NFIC: variants seen among roughly 807,000 people sequenced by gnomAD.
NFIC encodes nuclear factor 1 C-type.
In NFIC, 12 loss-of-function variants were observed where a neutral mutation model predicts 54.4. That is an observed-to-expected ratio of 0.22 (90% CI 0.14 to 0.36). NFIC has a LOEUF of 0.36. NFIC is among the 10% of genes least tolerant of loss of function. The pLI is 1.00. For synonymous variants in NFIC, 322 were observed against 319.2 expected, an observed-to-expected ratio of 1.01 and a Z score of -0.09; for missense variants, 575 against 718.2, an observed-to-expected ratio of 0.80 and a Z score of 2.28.
intron 6 of NFIC, among the ~76,000 whole-genome samples, chr19:3,442,254 G>C (rs981879657): frequency 3.9e-5 from 6 of 152,184 alleles, no homozygotes; most frequent in Non-Finnish European, 8.8e-5. Context: ...ACTGTGCTTT[G>C]TTTTTGCTGC....
chr19:3,408,642 G>A (rs887585240), intron 2 of NFIC, among the ~76,000 whole-genome samples: 4 of 151,934 alleles, frequency 2.6e-5, no homozygotes, highest in African/African-American at 7.3e-5. Flanking sequence ...TTATTTTTGA[G>A]ACGGAGTCTC....
rs1187124698 is a variant in NFIC, at chr19:3,463,156, G to T, written c.*387G>T. On this transcript the variant is annotated 3_prime_UTR_variant, in exon 11 of 11. Coordinates refer to ENST00000443272, the MANE Select transcript of NFIC (RefSeq NM_001245002.2). ...CTGCTGCTCGGGAAGGACAGACGCC[G>T]GCCGCCCGCCCGCGCCCCGGAGGCC... 3 of 1,089,002 alleles carry T rather than the reference G, an allele frequency of 2.8e-6. No homozygotes were observed. The highest frequency in any genetic ancestry group is 1.7e-5 in the African/African-American group (1 of 59,512). 67.5% of individuals were successfully genotyped at this position (1,089,002 alleles called of 1,614,324 possible).
chr19:3,427,187 A>G (rs2082040809), intron 3 of NFIC, among the ~76,000 whole-genome samples: 1 of 151,564 alleles, frequency 6.6e-6, no homozygotes, highest in Non-Finnish European at 1.5e-5. Context: ...CGGCCTCCCA[A>G]AGTGCTGGGA....
Position 3,461,751 on chromosome 19 carries a change from T to C in NFIC, c.1510-1001T>C, listed in dbSNP as rs140725469. Among the ~76,000 whole-genome samples the C allele has an allele frequency of 2.1e-5, 3 of 143,276 alleles. No homozygotes were observed. In the East Asian group the frequency reaches 6.4e-4, roughly 30 times the overall value. The allele number at this position is 143,276 out of a possible 152,430, so 94.0% of individuals were successfully genotyped here. On this transcript the variant is annotated intron_variant, in intron 10 of 10. Transcript: ENST00000443272. ...AATAAATAATAAATAGAGAAGAAAATAATTTTTAAAATATAAAATAAAGGC... is the reference window on the plus strand; with the variant it reads ...AATAAATAATAAATAGAGAAGAAAACAATTTTTAAAATATAAAATAAAGGC...
In NFIC at chr19:3,453,007, G is replaced by A. The variant is rs374013653; in HGVS notation, c.1269+341G>A. On this transcript the variant is annotated intron_variant, in intron 8 of 10. Transcript: ENST00000443272. This position sits in a 1 kb window ranked among gnomAD's most constrained non-coding sequence, Gnocchi z 6.7. The stretch of plus-strand genomic sequence containing the variant: ...TCCCAGCGCTTTCGGAGGCCAAGGC[G>A]GGAGGATTGCATAAGCCCAGAGTTC... 1.3e-5 allele frequency among the ~76,000 whole-genome samples: 2 copies of A among 152,218 alleles called. No individual in the cohort carries two copies. Among genetic ancestry groups the A allele is most frequent in the Admixed American group, 6.5e-5 (1 of 15,286 alleles).
chr19:3,412,808 T>TC (rs1263886729), intron 2 of NFIC, among the ~76,000 whole-genome samples: 1 of 152,136 alleles, frequency 6.6e-6, no homozygotes, highest in Admixed American at 6.5e-5. Context: ...ACACCCTGAC[T>TC]CCCACCTCAG....
At chr19:3,433,247 G>C (rs907387983) in intron 3 of NFIC, among the ~76,000 whole-genome samples, 32 of 152,256 alleles carry the variant, frequency 2.1e-4, no homozygotes, top group African/African-American at 7.2e-4. Flanking sequence ...TTACAGGCAT[G>C]AGCCACTGCG....
In NFIC at chr19:3,384,972, C is replaced by T. The variant is rs146222673; in HGVS notation, c.562+2729C>T. Among the ~76,000 whole-genome samples the T allele has an allele frequency of 3.9e-3, 593 of 151,282 alleles. 4 individuals are homozygous for T. The highest frequency in any genetic ancestry group is 0.014 in the African/African-American group (566 of 41,174). Reference sequence around the variant, plus strand: ...GTGCTGAGCTGATACAATTTTGAAGCGAGCTTTTCTGCTGCAGTCAGCACA... The same window carrying T: ...GTGCTGAGCTGATACAATTTTGAAGTGAGCTTTTCTGCTGCAGTCAGCACA... On this transcript the variant is annotated intron_variant, in intron 2 of 10. Coordinates refer to ENST00000443272, the MANE Select transcript of NFIC (RefSeq NM_001245002.2).
rs2082746779 is a variant in NFIC, at chr19:3,468,533, G to T, written c.*5764G>T. The T allele has an allele frequency of 6.6e-6, 1 of 152,104 alleles. No individual in the cohort carries two copies. The highest frequency in any genetic ancestry group is 6.6e-5 in the Admixed American group (1 of 15,266). The allele number at this position is 152,104 out of a possible 1,614,324, so 9.4% of individuals were successfully genotyped here. Reference sequence around the variant, plus strand: ...GCATTCTCACACAGAGAAAGAACAAGCAAGGGCTCCAGGGGGACAGGATGG... The same window carrying T: ...GCATTCTCACACAGAGAAAGAACAATCAAGGGCTCCAGGGGGACAGGATGG... On this transcript the variant is annotated 3_prime_UTR_variant, in exon 11 of 11. Transcript: ENST00000443272.
chr19:3,391,838 TATGTC>T (rs1198308945), intron 2 of NFIC, among the ~76,000 whole-genome samples: 1 of 152,056 alleles, frequency 6.6e-6, no homozygotes, highest in East Asian at 1.9e-4. Flanking sequence ...TAATTAGTAA[TATGTC>T]ATATATAATC....
chr19:3,407,386 T>C (rs7250927), intron 2 of NFIC, among the ~76,000 whole-genome samples: 80,586 of 151,462 alleles, frequency 0.53, 23,335 homozygotes, highest in Non-Finnish European at 0.65. Context: ...GTGCTGGGAT[T>C]ACAGGCGTGA....
At chr19:3,431,336 C>CTCAT (rs1457843693) in intron 3 of NFIC, among the ~76,000 whole-genome samples, 1 of 147,274 alleles carries the variant, frequency 6.8e-6, no homozygotes, top group African/African-American at 2.5e-5. Context: ...AGCCCAAGGC[C>CTCAT]TCATTCTTTT....
At chr19:3,361,352 C>T (rs903491675) in intron 1 of NFIC, among the ~76,000 whole-genome samples, 7 of 152,072 alleles carry the variant, frequency 4.6e-5, no homozygotes. Context: ...TAAGGAGACC[C>T]CTATTATCCT....
intron 1 of NFIC, among the ~76,000 whole-genome samples, chr19:3,378,487 G>A (rs1254368435): frequency 3.3e-5 from 5 of 152,172 alleles, no homozygotes; most frequent in African/African-American, 1.2e-4. Context: ...GGAGCTGGGG[G>A]CCTCCCACTG....
chr19:3,407,681 G>A (rs537897586), intron 2 of NFIC, among the ~76,000 whole-genome samples: 5 of 151,830 alleles, frequency 3.3e-5, no homozygotes, highest in Admixed American at 2.6e-4. Flanking sequence ...TGATCTGCTC[G>A]CCTTGGCCTC....
intron 1 of NFIC, among the ~76,000 whole-genome samples, chr19:3,381,506 G>C (rs1289769119): frequency 6.6e-6 from 1 of 152,134 alleles, no homozygotes; most frequent in African/African-American, 2.4e-5. Context: ...GCAGGTCCCT[G>C]ATAAACTTCT....
intron 2 of NFIC, among the ~76,000 whole-genome samples, chr19:3,394,007 A>G (rs111967621): frequency 6.6e-6 from 1 of 151,182 alleles, no homozygotes; most frequent in Non-Finnish European, 1.5e-5. Flanking sequence ...CAGCGGTGCA[A>G]TCTCGGCTCA....
rs1039908976 is a variant in NFIC at position 3,468,877 on chromosome 19, C to T, written c.*6108C>T. 2 of 152,180 alleles carry T rather than the reference C, an allele frequency of 1.3e-5. No individual in the cohort carries two copies. Among genetic ancestry groups the T allele is most frequent in the African/African-American group, 4.8e-5 (2 of 41,442 alleles). The allele number at this position is 152,180 out of a possible 1,614,324, so 9.4% of individuals were successfully genotyped here. On this transcript the variant is annotated 3_prime_UTR_variant, in exon 11 of 11. Coordinates refer to ENST00000443272, the MANE Select transcript of NFIC (RefSeq NM_001245002.2). ...AGCAGGTCCCCCACCCTCCCCTCCT[C>T]CTCCTACTTCTCCTCTTGACAGCGA... is the stretch of plus-strand genomic sequence containing the variant.
At position 3,467,758 on chromosome 19, in the gene NFIC, C is replaced by CATACATAT. The variant is rs1176001849; in HGVS notation, c.*4992_*4993insCATATATA. 1 of 69,650 alleles carries CATACATAT rather than the reference C, an allele frequency of 1.4e-5. No homozygotes were observed. The highest frequency in any genetic ancestry group is 2.4e-5 in the Non-Finnish European group (1 of 42,340). 4.3% of individuals were successfully genotyped at this position (69,650 alleles called of 1,614,324 possible). On this transcript the variant is annotated 3_prime_UTR_variant, in exon 11 of 11. Coordinates refer to ENST00000443272, the MANE Select transcript of NFIC (RefSeq NM_001245002.2). ...ACCTCCAGTGTAGGGCTATACTATA[C>CATACATAT]ATATATATATATATATATATATATA...
Sources: gnomAD v4.1 joint callset for allele counts (sites outside exome capture counted in the v4.1 genomes callset) on GRCh38, gnomAD v4.1.1 for gene constraint, Gnocchi (gnomAD v3.1) non-coding constraint, MANE v1.5 for transcripts, NCBI Gene and HGNC (gene_info 2026-07-23, HGNC 2026-07-21) for gene names.